Variants in LYZL2 observed in about 807,000 individuals in gnomAD.
LYZL2 encodes the protein lysozyme-like protein 2.
A neutral mutation model predicts 17.1 loss-of-function variants in LYZL2; 13 were observed. The observed-to-expected ratio is 0.76, with a 90% confidence interval of 0.49 to 1.21. The LOEUF is 1.21. LYZL2 is among the 50% of genes most tolerant of loss of function. LYZL2 has a pLI of 0.00. For missense variants in LYZL2, 166 were observed against 189.2 expected, an observed-to-expected ratio of 0.88 and a Z score of 0.72; for synonymous variants, 63 against 74.4, an observed-to-expected ratio of 0.85 and a Z score of 0.79.
Position 30,626,254 on chromosome 10 carries a change from A to T in LYZL2, c.149T>A (p.Met50Lys), listed in dbSNP as rs200278884. ...WGFSLGNWIC[M>K]AYYESGYNTT... ...GTTGTAGCCGCTCTCATAATACGCC[A>T]TGCAGATCCCTGGAGGGGGGAAAGC... is the stretch of plus-strand genomic sequence containing the variant. Residue 50 changes from methionine to lysine, a missense_variant, in exon 3 of 5, where the codon ATG (methionine) becomes AAG (lysine). Physicochemically the swap from Met to Lys is moderately conservative, Grantham distance 95. Transcript: ENST00000647634. 16 of 1,613,910 alleles carry T rather than the reference A, an allele frequency of 9.9e-6. No homozygotes were observed. The highest frequency in any genetic ancestry group is 1.3e-5 in the African/African-American group (1 of 74,940).
downstream of LYZL2, among the ~76,000 whole-genome samples, chr10:30,611,454 G>A (rs943238260): frequency 7.0e-6 from 1 of 143,070 alleles, no homozygotes; most frequent in Middle Eastern, 3.6e-3. Context: ...GGCTGAAATC[G>A]TACGACTGCA....
At chr10:30,607,838 G>A (rs910399313), downstream of LYZL2, among the ~76,000 whole-genome samples, 7 of 152,138 alleles carry the variant, frequency 4.6e-5, no homozygotes, top group Non-Finnish European at 8.8e-5. Flanking sequence ...GAGCCCTGGG[G>A]GATAGCAATG....
chr10:30,626,054 G>A (rs768759986), intron 3 of LYZL2, 51 bp downstream of exon 3: 10 of 1,576,856 alleles, frequency 6.3e-6, no homozygotes, highest in South Asian at 2.4e-5. Flanking sequence ...CCCATTGTCG[G>A]CTTTCTCACC....
intron 3 of LYZL2, among the ~76,000 whole-genome samples, chr10:30,613,994 GC>G (rs1435472418): frequency 6.6e-6 from 1 of 152,122 alleles, no homozygotes; most frequent in Non-Finnish European, 1.5e-5. Flanking sequence ...ACAGACATGA[GC>G]CACCATGCCC....
At chr10:30,615,383 G>A (rs904457676) in intron 3 of LYZL2, among the ~76,000 whole-genome samples, 1 of 152,206 alleles carries the variant, frequency 6.6e-6, no homozygotes, top group Admixed American at 6.5e-5. Flanking sequence ...AGGAAAATGG[G>A]GAGATGCTGA....
chr10:30,622,121 T>C (rs1239197726), intron 3 of LYZL2, among the ~76,000 whole-genome samples: 1 of 151,936 alleles, frequency 6.6e-6, no homozygotes, highest in Non-Finnish European at 1.5e-5. Context: ...AATAGAAGTA[T>C]AGCTAACAAA....
chr10:30,612,621 C>G (rs1838461982), intron 4 of LYZL2, among the ~76,000 whole-genome samples: 1 of 152,184 alleles, frequency 6.6e-6, no homozygotes, highest in South Asian at 2.1e-4. Flanking sequence ...TTAACTCACT[C>G]CCATGTCTCT....
At chr10:30,617,012 A>G (rs796610949) in intron 3 of LYZL2, among the ~76,000 whole-genome samples, 14 of 152,336 alleles carry the variant, frequency 9.2e-5, no homozygotes, top group African/African-American at 2.6e-4. Flanking sequence ...TTTCGGGTGC[A>G]TAAGTGCTTA....
chr10:30,615,573 C>G (rs1314716693), intron 3 of LYZL2, among the ~76,000 whole-genome samples: 1 of 152,122 alleles, frequency 6.6e-6, no homozygotes, highest in African/African-American at 2.4e-5. Flanking sequence ...GTCACACACA[C>G]ACAGTAATTA....
intron 3 of LYZL2, among the ~76,000 whole-genome samples, chr10:30,614,098 G>C (rs1838491424): frequency 6.6e-6 from 1 of 152,186 alleles, no homozygotes; most frequent in East Asian, 1.9e-4. Context: ...TGCTTGCTTA[G>C]AAGCGGCCTC....
intron 1 of LYZL2, among the ~76,000 whole-genome samples, chr10:30,628,485 T>C (rs1169317513): frequency 6.6e-6 from 1 of 152,168 alleles, no homozygotes; most frequent in Non-Finnish European, 1.5e-5. Flanking sequence ...TCAAGAGCGC[T>C]GTCTCCTGCT....
intron 3 of LYZL2, among the ~76,000 whole-genome samples, chr10:30,613,785 A>G (rs1177755095): frequency 6.6e-6 from 1 of 152,144 alleles, no homozygotes; most frequent in African/African-American, 2.4e-5. Context: ...GCATGATAAT[A>G]GCTCACTGCA....
chr10:30,612,936 T>G, intron 3 of LYZL2, 36 bp from the exon 4 acceptor site: 2 of 1,563,350 alleles, frequency 1.3e-6, no homozygotes, highest in Non-Finnish European at 1.8e-6. Context: ...TAGGCGAGAC[T>G]TTGTTGTTGG....
Position 30,626,287 on chromosome 10 carries a change from G to A in LYZL2, c.140-24C>T, listed in dbSNP as rs192326736. 145 of 1,611,026 alleles carry A rather than the reference G, an allele frequency of 9.0e-5. No homozygotes were observed. The African/African-American group carries it at 1.3e-3, about 14-fold the overall frequency. On this transcript the variant is annotated intron_variant, in intron 2 of 4. Transcript: ENST00000647634. Reference sequence around the variant, plus strand: ...CCCTGGAGGGGGGAAAGCCAGAAACGCCAGCAAAGGAGGTGCCATCTTTTG... The same window carrying A: ...CCCTGGAGGGGGGAAAGCCAGAAACACCAGCAAAGGAGGTGCCATCTTTTG...
chr10:30,625,404 A>T (rs1168180341), intron 3 of LYZL2, among the ~76,000 whole-genome samples: 1 of 152,104 alleles, frequency 6.6e-6, no homozygotes, highest in Non-Finnish European at 1.5e-5. Context: ...CCTTCCTCAC[A>T]TCTGCAAAGT....
intron 1 of LYZL2, among the ~76,000 whole-genome samples, chr10:30,628,172 A>T (rs1023209467): frequency 2.0e-5 from 3 of 151,828 alleles, no homozygotes; most frequent in Admixed American, 6.6e-5. Flanking sequence ...AAAAAAAAAG[A>T]TTCATCGTTT....
intron 3 of LYZL2, among the ~76,000 whole-genome samples, chr10:30,617,569 A>G (rs7091208): frequency 0.86 from 130,330 of 150,804 alleles, 56,907 homozygotes; most frequent in African/African-American, 0.94. Flanking sequence ...CAGCTACTCC[A>G]GAGGCTGAGG....
intron 2 of LYZL2, among the ~76,000 whole-genome samples, chr10:30,626,490 C>T (rs1838708920): frequency 6.6e-6 from 1 of 152,196 alleles, no homozygotes; most frequent in Non-Finnish European, 1.5e-5. Context: ...CTAATCTAGA[C>T]CAACAGTCAG....
chr10:30,619,723 T>G (rs1180047122), intron 3 of LYZL2, among the ~76,000 whole-genome samples: 2 of 151,918 alleles, frequency 1.3e-5, no homozygotes, highest in Non-Finnish European at 2.9e-5. Context: ...ATATACCTAA[T>G]GCTAAATGAG....
Sources: allele counts gnomAD v4.1 joint callset (sites outside exome capture counted in the v4.1 genomes callset), GRCh38; gene constraint gnomAD v4.1.1; transcripts MANE v1.5; gene names NCBI Gene and HGNC (gene_info 2026-07-23, HGNC 2026-07-21).